Variants in COL4A5 observed in about 807,000 individuals in gnomAD.
COL4A5 encodes collagen alpha-5(IV) chain.
COL4A5 carries 26 observed loss-of-function variants against 130.2 expected under a neutral mutation model. The observed-to-expected ratio is 0.20, with a 90% CI of 0.15 to 0.28. COL4A5 has a LOEUF of 0.28. Ranked by LOEUF, COL4A5 falls within the 10% of genes least tolerant of loss-of-function variation. COL4A5 has a pLI of 1.00. For synonymous variants in COL4A5, 496 were observed against 439.6 expected, an observed-to-expected ratio of 1.13 and a Z score of -1.60; for missense variants, 1,131 against 1,344.3, an observed-to-expected ratio of 0.84 and a Z score of 2.48.
chrX:108,635,919 T>C (rs2067343430), intron 36 of COL4A5, among the ~76,000 whole-genome samples: 1 of 111,696 alleles, frequency 9.0e-6, no homozygotes, highest in African/African-American at 3.3e-5. Flanking sequence ...AGTTTGGAGG[T>C]AAGTATTGGG....
At chrX:108,655,574 T>C in intron 37 of COL4A5, 117 bp downstream of exon 37, 1 of 841,758 alleles carries the variant, frequency 1.2e-6, no homozygotes, top group South Asian at 2.3e-5. Context: ...AGATACTGAC[T>C]AGCAACATAA....
chrX:108,506,447 G>T (rs2065125408), intron 1 of COL4A5, among the ~76,000 whole-genome samples: 1 of 110,148 alleles, frequency 9.1e-6, no homozygotes, highest in Non-Finnish European at 1.9e-5. Context: ...GACAGGTTTT[G>T]TGGAAGACAA....
intron 36 of COL4A5, among the ~76,000 whole-genome samples, chrX:108,648,064 A>C (rs2067642802): frequency 9.0e-6 from 1 of 110,898 alleles, no homozygotes; most frequent in Non-Finnish European, 1.9e-5. Flanking sequence ...TGTCTCTACC[A>C]GGCTTTGGTA....
chrX:108,498,108 G>GT lies in COL4A5; in HGVS notation c.82-41632dup, dbSNP rs745337073. Among the ~76,000 whole-genome samples, 3 of 111,303 alleles carry GT rather than the reference G, an allele frequency of 2.7e-5. No individual in the cohort carries two copies. The South Asian group carries it at 1.1e-3, about 41-fold the overall frequency. On this transcript the variant is annotated intron_variant, in intron 1 of 52. Transcript: ENST00000328300. ...CAAGGTCACAAAGCTGTTTCCTGTTGTTTTTTCTAGAAACTTTAAAGTATT... is the reference window on the plus strand; with the variant it reads ...CAAGGTCACAAAGCTGTTTCCTGTTGTTTTTTTCTAGAAACTTTAAAGTATT...
At chrX:108,693,980 C>T (rs1015132294) in intron 50 of COL4A5, 1 of 110,385 alleles carries the variant, frequency 9.1e-6, no homozygotes, top group Non-Finnish European at 1.9e-5. Flanking sequence ...CTGGTTCAGC[C>T]TTAGTAGCAA....
intron 1 of COL4A5, among the ~76,000 whole-genome samples, chrX:108,456,000 A>T (rs1024242151): frequency 1.8e-5 from 2 of 112,049 alleles, no homozygotes; most frequent in African/African-American, 3.2e-5. Flanking sequence ...AATTTTGCTT[A>T]AAAACCTTTT....
In COL4A5 at chrX:108,695,382, A is replaced by G. The variant is rs937985430; in HGVS notation, c.4937A>G (p.Tyr1646Cys). 7.4e-6 allele frequency: 9 copies of G among 1,211,389 alleles called. No homozygotes were observed. Among genetic ancestry groups the G allele is most frequent in the South Asian group, 1.8e-5 (1 of 56,972 alleles). ...IECHGRGTCN[Y>C]YANSYSFWLA... ...TGTCATGGGAGGGGTACCTGTAACT[A>G]CTATGCCAACTCCTACAGCTTTTGG... The change falls in exon 52 of 53, where the codon TAC becomes TGC. Residue 1646 changes from tyrosine to cysteine, a missense_variant. Tyr to Cys is a radical substitution (Grantham distance 194). Transcript: ENST00000328300.
chrX:108,672,896 T>C (rs1400046955), intron 42 of COL4A5, among the ~76,000 whole-genome samples: 1 of 94,266 alleles, frequency 1.1e-5, no homozygotes, highest in Non-Finnish European at 1.9e-5. Flanking sequence ...GTGGCCAGAC[T>C]CTGCTCTAAG....
intron 1 of COL4A5, among the ~76,000 whole-genome samples, chrX:108,446,581 G>A (rs1017955964): frequency 4.5e-5 from 5 of 111,751 alleles, no homozygotes; most frequent in African/African-American, 1.3e-4. Flanking sequence ...GTTATATCCT[G>A]TTAGGTAGCT....
At chrX:108,509,954 A>G (rs976059982) in intron 1 of COL4A5, among the ~76,000 whole-genome samples, 2 of 112,729 alleles carry the variant, frequency 1.8e-5, no homozygotes, top group African/African-American at 6.4e-5. Flanking sequence ...GTACATTTAC[A>G]CCATGGAATA....
chrX:108,449,519 G>A (rs7055541), intron 1 of COL4A5, among the ~76,000 whole-genome samples: 10,754 of 111,337 alleles, frequency 0.097, 1,163 homozygotes, highest in African/African-American at 0.32. Context: ...TCCTATTAGA[G>A]AACATGAGGA....
In COL4A5 at chrX:108,586,479, G is replaced by A. The variant is rs1183308167; in HGVS notation, c.1033-136G>A. ...CATTTTCTAATCAGTTGGAGGATGG[G>A]AGTGATACAAAATGTGACTCATAAA... is the stretch of plus-strand genomic sequence containing the variant. On this transcript the variant is annotated intron_variant, in intron 18 of 52. Transcript: ENST00000328300. The A allele has an allele frequency of 1.9e-5, 11 of 567,103 alleles. No individual in the cohort carries two copies. In the Admixed American group the frequency reaches 3.1e-4, roughly 16 times the overall value. 46.7% of individuals were successfully genotyped at this position (567,103 alleles called of 1,213,427 possible).
intron 43 of COL4A5, among the ~76,000 whole-genome samples, chrX:108,675,342 CTT>C (rs2068284416): frequency 1.8e-5 from 2 of 111,168 alleles, no homozygotes; most frequent in African/African-American, 6.5e-5. Context: ...GTTCTGATAA[CTT>C]TTAAAATGGA....
intron 4 of COL4A5, among the ~76,000 whole-genome samples, chrX:108,565,748 T>C (rs1242321495): frequency 8.9e-6 from 1 of 111,824 alleles, no homozygotes; most frequent in African/African-American, 3.3e-5. Flanking sequence ...CCTCATGATG[T>C]CATTTAAATT....
At chrX:108,591,733 C>A in intron 21 of COL4A5, 89 bp downstream of exon 21, 1 of 700,199 alleles carries the variant, frequency 1.4e-6, no homozygotes, top group Non-Finnish European at 2.3e-6. Context: ...CACACCTTAG[C>A]CACTGACTCC....
intron 36 of COL4A5, among the ~76,000 whole-genome samples, chrX:108,647,643 C>A (rs969519178): frequency 1.8e-5 from 2 of 111,574 alleles, no homozygotes; most frequent in African/African-American, 6.5e-5. Context: ...TGAGAGAGGG[C>A]ATCCCTGTCT....
At chrX:108,453,038 GT>G (rs2064542483) in intron 1 of COL4A5, among the ~76,000 whole-genome samples, 1 of 111,137 alleles carries the variant, frequency 9.0e-6, no homozygotes, top group Non-Finnish European at 1.9e-5. Flanking sequence ...AGCCTGAAGG[GT>G]TGTTGAATTT....
chrX:108,569,832 A>G (rs757992879), intron 6 of COL4A5, among the ~76,000 whole-genome samples: 74 of 110,308 alleles, frequency 6.7e-4, no homozygotes, highest in Non-Finnish European at 1.2e-3. Flanking sequence ...GGCACGCACC[A>G]CAATGCCCAG....
At chrX:108,641,733 C>T (rs2067471072) in intron 36 of COL4A5, among the ~76,000 whole-genome samples, 1 of 111,747 alleles carries the variant, frequency 8.9e-6, no homozygotes, top group Non-Finnish European at 1.9e-5. Context: ...CAGGAAAGGC[C>T]CTGGGGGCTT....
Sources: gnomAD v4.1 joint callset for allele counts (sites outside exome capture counted in the v4.1 genomes callset) on GRCh38, gnomAD v4.1.1 for gene constraint, MANE v1.5 for transcripts, NCBI Gene and HGNC (gene_info 2026-07-23, HGNC 2026-07-21) for gene names.